Variants in TSEN2 observed in about 807,000 individuals in gnomAD.
TSEN2 encodes tRNA-splicing endonuclease subunit Sen2.
TSEN2 carries 54 observed loss-of-function variants against 59.2 expected under a neutral mutation model. The observed-to-expected ratio is 0.91, with a 90% confidence interval of 0.73 to 1.14. TSEN2 has a LOEUF of 1.14. Ranked by LOEUF, TSEN2 falls within the 50% of genes most tolerant of loss-of-function variation. TSEN2 has a pLI of 0.00. For missense variants in TSEN2, 636 were observed against 576.2 expected (o/e 1.10, Z -1.06); for synonymous variants, 195 against 198.2 (o/e 0.98, Z 0.14).
intron 4 of TSEN2, among the ~76,000 whole-genome samples, chr3:12,502,036 C>T (rs949905490): frequency 6.6e-6 from 1 of 152,160 alleles, no homozygotes; most frequent in Non-Finnish European, 1.5e-5. Context: ...AAAATCTACT[C>T]TGCAAAGTAT....
At chr3:12,501,933 T>C (rs982458389) in intron 4 of TSEN2, among the ~76,000 whole-genome samples, 1 of 152,222 alleles carries the variant, frequency 6.6e-6, no homozygotes, top group Non-Finnish European at 1.5e-5. Flanking sequence ...CTTTGCCCTA[T>C]TGTTTTGCCT....
chr3:12,496,104 G>A (rs762419362), intron 3 of TSEN2, among the ~76,000 whole-genome samples: 1 of 152,222 alleles, frequency 6.6e-6, no homozygotes, highest in Non-Finnish European at 1.5e-5. Context: ...CACTTTTCCA[G>A]CACTTTTGAT....
At chr3:12,531,708 A>T (rs1181918763) in intron 11 of TSEN2, 49 bp downstream of exon 11, 1 of 1,246,978 alleles carries the variant, frequency 8.0e-7, no homozygotes, top group Non-Finnish European at 1.2e-6. Context: ...TCTGTGAATC[A>T]TAGTGTATCT....
rs1048782509 is a variant in TSEN2, at chr3:12,538,805, C to A, written c.1261-356C>A. On this transcript the variant is annotated intron_variant, in intron 10 of 10. Coordinates refer to the TSEN2 transcript ENST00000412698. ...AAATTACCTCATTTCTTTACAGTTT[C>A]TCATCCCAGTTTCCCCAGCCTCCTG... 4 of 162,522 alleles carry A rather than the reference C, an allele frequency of 2.5e-5. No homozygotes were observed. In the South Asian group the frequency reaches 6.3e-4, roughly 25 times the overall value. The allele number at this position is 162,522 out of a possible 1,614,324, so 10.1% of individuals were successfully genotyped here. A position where few individuals can be genotyped will look rare whatever the true frequency, so the allele number is the denominator to read the frequency against.
At chr3:12,513,923 G>C (rs991316203) in intron 6 of TSEN2, among the ~76,000 whole-genome samples, 1 of 152,236 alleles carries the variant, frequency 6.6e-6, no homozygotes, top group Non-Finnish European at 1.5e-5. Flanking sequence ...CTGCTGTAGG[G>C]TGGCTCTGGC....
Position 12,503,761 on chromosome 3 carries a change from A to G in TSEN2, c.808A>G (p.Arg270Gly), listed in dbSNP as rs781511678. The change falls in exon 5 of 12, where the codon AGG becomes GGG. Residue 270 changes from arginine (R) to glycine (G), a missense_variant. Transcript: ENST00000284995. ...VEEAECAMSE[R>G]EAAPNEELVQ... is the part of the protein sequence containing the mutation. ...GGAAGCGGAGTGTGCCATGAGCGAG[A>G]GGGAGGCTGCCCCAAATGAGGAAGT... 5.6e-6 allele frequency: 9 copies of G among 1,613,934 alleles called. No homozygotes were observed. Among genetic ancestry groups the G allele is most frequent in the Non-Finnish European group, 6.8e-6 (8 of 1,180,028 alleles).
chr3:12,536,431 T>C (rs1455222613), downstream of TSEN2, among the ~76,000 whole-genome samples: 1 of 152,154 alleles, frequency 6.6e-6, no homozygotes, highest in Non-Finnish European at 1.5e-5. Context: ...TGAACATTGA[T>C]TGAGTCCCAG....
upstream of TSEN2, among the ~76,000 whole-genome samples, chr3:12,484,158 C>A (rs1575182391): frequency 1.3e-5 from 2 of 152,378 alleles, no homozygotes; most frequent in East Asian, 3.9e-4. Context: ...CCTCAAACAT[C>A]CCATCCACCG....
intron 3 of TSEN2, among the ~76,000 whole-genome samples, chr3:12,495,815 G>C (rs2053690529): frequency 6.6e-6 from 1 of 152,158 alleles, no homozygotes; most frequent in South Asian, 2.1e-4. Flanking sequence ...GAAAAGACCA[G>C]GACGAAAACC....
At chr3:12,516,502 T>C in intron 6 of TSEN2, 109 bp from the exon 7 acceptor site, 1 of 898,904 alleles carries the variant, frequency 1.1e-6, no homozygotes, top group Non-Finnish European at 1.8e-6. Context: ...TTTTTGATGA[T>C]GACTTAAGAG....
chr3:12,491,731 TAACTC>T (rs2053230682), intron 2 of TSEN2, among the ~76,000 whole-genome samples: 1 of 152,238 alleles, frequency 6.6e-6, no homozygotes, highest in Non-Finnish European at 1.5e-5. Context: ...AACCTCTTGT[TAACTC>T]AGATGGGTAC....
intron 6 of TSEN2, chr3:12,505,435 T>C (rs2054708497): frequency 1.8e-6 from 1 of 561,260 alleles, no homozygotes; most frequent in South Asian, 2.1e-5. Flanking sequence ...GATATGTGTT[T>C]GCAATCATTC....
intron 6 of TSEN2, among the ~76,000 whole-genome samples, chr3:12,508,827 C>T (rs1482485417): frequency 6.6e-6 from 1 of 152,200 alleles, no homozygotes; most frequent in Non-Finnish European, 1.5e-5. Context: ...CACGCACACA[C>T]GCAAACACTC....
Position 12,529,756 on chromosome 3 carries a change from T to C in TSEN2, c.1137-6T>C. The C allele has an allele frequency of 6.2e-7, 1 of 1,613,420 alleles. No individual in the cohort carries two copies. Among genetic ancestry groups the C allele is most frequent in the African/African-American group, 1.3e-5 (1 of 75,048 alleles). ...ACTTTTAACATGCTTTTTCTGTATT[T>C]TCCAGTTATTCTGTCATTATCGAGC... On this transcript the variant is annotated splice_region_variant and splice_polypyrimidine_tract_variant and intron_variant, in intron 9 of 11. Coordinates refer to ENST00000284995, the MANE Select transcript of TSEN2 (RefSeq NM_025265.4).
At chr3:12,535,992 A>G (rs750331138), downstream of TSEN2, among the ~76,000 whole-genome samples, 2 of 152,188 alleles carry the variant, frequency 1.3e-5, no homozygotes, top group Non-Finnish European at 2.9e-5. Context: ...ACTGAATGAA[A>G]TGAGATGACA....
intron 4 of TSEN2, among the ~76,000 whole-genome samples, chr3:12,499,920 T>C (rs1278788098): frequency 6.6e-6 from 1 of 152,216 alleles, no homozygotes; most frequent in Non-Finnish European, 1.5e-5. Flanking sequence ...ACCACTCTGC[T>C]GTGCACTTCC....
intron 3 of TSEN2, among the ~76,000 whole-genome samples, chr3:12,492,774 A>G (rs2053351900): frequency 1.3e-5 from 2 of 152,244 alleles, no homozygotes; most frequent in South Asian, 4.1e-4. Context: ...ACAATCAGGC[A>G]GAAATCCAAA....
chr3:12,538,936 G>A (rs2057744814), intron 10 of TSEN2: 1 of 309,104 alleles, frequency 3.2e-6, no homozygotes, highest in South Asian at 2.4e-5. Context: ...CAACCCCTGA[G>A]CCTCCATGTG....
chr3:12,529,701 A>G, intron 9 of TSEN2, 61 bp from the exon 10 acceptor site: 1 of 1,488,660 alleles, frequency 6.7e-7, no homozygotes, highest in South Asian at 1.1e-5. Context: ...TAGGACAAAT[A>G]TTCTTTTTAA....
Sources: gnomAD v4.1 joint callset for allele counts (sites outside exome capture counted in the v4.1 genomes callset) on GRCh38, gnomAD v4.1.1 for gene constraint, MANE v1.5 for transcripts, NCBI Gene and HGNC (gene_info 2026-07-23, HGNC 2026-07-21) for gene names.